The following CYP7B1 variants were observed in gnomAD, a reference collection of about 807,000 sequenced individuals.
The protein encoded by CYP7B1 is cytochrome P450 7B1.
In CYP7B1, 29 loss-of-function variants were observed where a neutral mutation model predicts 42.7. The observed-to-expected ratio is 0.68, with a 90% CI of 0.51 to 0.93. The LOEUF is 0.93. Ranked by LOEUF, CYP7B1 falls within the 40% of genes least tolerant of loss-of-function variation. The pLI is 0.00. For synonymous variants in CYP7B1, 235 were observed against 218.2 expected (o/e 1.08, Z -0.68); for missense variants, 655 against 600.5 (o/e 1.09, Z -0.95).
chr8:64,610,413 A>G (rs995830229), intron 4 of CYP7B1, among the ~76,000 whole-genome samples: 10 of 152,302 alleles, frequency 6.6e-5, no homozygotes, highest in Non-Finnish European at 1.0e-4. Flanking sequence ...TCATTAGAAG[A>G]GAGGATGTTG....
chr8:64,786,039 G>C (rs1274363218), intron 1 of CYP7B1, among the ~76,000 whole-genome samples: 3 of 152,068 alleles, frequency 2.0e-5, no homozygotes, highest in Non-Finnish European at 4.4e-5. Context: ...CATTATGAGG[G>C]AAATAACCCC....
At chr8:64,666,517 A>C (rs1024223098) in intron 1 of CYP7B1, among the ~76,000 whole-genome samples, 3 of 151,328 alleles carry the variant, frequency 2.0e-5, no homozygotes, top group African/African-American at 7.2e-5. Flanking sequence ...GTTGGATCCT[A>C]AGGATGAGTA....
intron 1 of CYP7B1, among the ~76,000 whole-genome samples, chr8:64,643,607 C>T (rs944991949): frequency 6.6e-6 from 1 of 152,090 alleles, no homozygotes; most frequent in Non-Finnish European, 1.5e-5. Context: ...ATTGACTCTT[C>T]CTTTCATGAA....
intron 2 of CYP7B1, among the ~76,000 whole-genome samples, chr8:64,616,857 T>C (rs975399861): frequency 2.0e-5 from 3 of 152,222 alleles, no homozygotes; most frequent in African/African-American, 7.2e-5. Context: ...ATGTGGGAGA[T>C]TTAATAACAT....
At chr8:64,728,078 C>G (rs1421038418) in intron 1 of CYP7B1, 1 of 152,180 alleles carries the variant, frequency 6.6e-6, no homozygotes, top group Non-Finnish European at 1.5e-5. Flanking sequence ...ACACATTCTT[C>G]TGTTAATGAG....
At chr8:64,673,305 T>C (rs577534127) in intron 1 of CYP7B1, among the ~76,000 whole-genome samples, 70 of 152,298 alleles carry the variant, frequency 4.6e-4, no homozygotes, top group African/African-American at 1.7e-3. Flanking sequence ...TGTTCAGGAA[T>C]TGGAATGCTT....
At chr8:64,674,786 T>C (rs565986714) in intron 1 of CYP7B1, among the ~76,000 whole-genome samples, 1 of 152,294 alleles carries the variant, frequency 6.6e-6, no homozygotes, top group Non-Finnish European at 1.5e-5. Flanking sequence ...ACAATACCTT[T>C]GTTTTGGATC....
chr8:64,620,418 G>A (rs571290670), intron 2 of CYP7B1, among the ~76,000 whole-genome samples: 1 of 152,116 alleles, frequency 6.6e-6, no homozygotes, highest in Non-Finnish European at 1.5e-5. Context: ...GTGGTGCTTT[G>A]CTGGGGTGAC....
chr8:64,645,681 G>T (rs990179875), intron 1 of CYP7B1, among the ~76,000 whole-genome samples: 1 of 152,042 alleles, frequency 6.6e-6, no homozygotes, highest in Non-Finnish European at 1.5e-5. Flanking sequence ...TTTCTTCACA[G>T]AATTGCAAAA....
chr8:64,756,830 A>G (rs1192882176), intron 1 of CYP7B1, among the ~76,000 whole-genome samples: 1 of 152,208 alleles, frequency 6.6e-6, no homozygotes, highest in Non-Finnish European at 1.5e-5. Flanking sequence ...TGATCGCCAG[A>G]GAAAATGTGA....
rs777493347 is a variant in CYP7B1, at chr8:64,798,622, G to A, written c.-35C>T. 66 of 1,448,296 alleles carry A rather than the reference G, an allele frequency of 4.6e-5. No homozygotes were observed. Among genetic ancestry groups the A allele is most frequent in the Non-Finnish European group, 5.3e-5 (59 of 1,110,274 alleles). 89.7% of individuals were successfully genotyped at this position (1,448,296 alleles called of 1,614,324 possible). Reference sequence around the variant, plus strand: ...GCTAGGCCGCGGTGGGCAGCCCGGGGTCTGCCTGCGAACAGCGCGGTCGGC... The same window carrying A: ...GCTAGGCCGCGGTGGGCAGCCCGGGATCTGCCTGCGAACAGCGCGGTCGGC... On this transcript the variant is annotated 5_prime_UTR_variant, in exon 1 of 6. Transcript: ENST00000310193.
At chr8:64,627,520 A>G (rs1204547518) in intron 1 of CYP7B1, among the ~76,000 whole-genome samples, 1 of 152,216 alleles carries the variant, frequency 6.6e-6, no homozygotes, top group Non-Finnish European at 1.5e-5. Context: ...AAGATTTAGA[A>G]AAGCTTTTTG....
chr8:64,753,422 T>C (rs890711860), intron 1 of CYP7B1, among the ~76,000 whole-genome samples: 1 of 152,262 alleles, frequency 6.6e-6, no homozygotes. Context: ...TAAGCAAGTA[T>C]ATGTAGACGT....
chr8:64,714,611 CTGTCAGTGACT>C (rs2129632733), intron 1 of CYP7B1, among the ~76,000 whole-genome samples: 1 of 152,324 alleles, frequency 6.6e-6, no homozygotes, highest in African/African-American at 2.4e-5. Flanking sequence ...CCCCTGCAAA[CTGTCAGTGACT>C]TGTCAGAATT....
At chr8:64,675,206 T>C (rs980730021) in intron 1 of CYP7B1, among the ~76,000 whole-genome samples, 2 of 152,130 alleles carry the variant, frequency 1.3e-5, no homozygotes, top group Admixed American at 1.3e-4. Flanking sequence ...TCACTTTGAA[T>C]GTAATTCATT....
intron 1 of CYP7B1, among the ~76,000 whole-genome samples, chr8:64,727,627 G>C (rs1807343193): frequency 6.6e-6 from 1 of 152,190 alleles, no homozygotes; most frequent in African/African-American, 2.4e-5. Flanking sequence ...AGTTGACCAA[G>C]TAGAAATCTT....
Position 64,759,215 on chromosome 8 carries a change from G to T in CYP7B1, c.122+39251C>A, listed in dbSNP as rs1044402872. 4.6e-5 allele frequency among the ~76,000 whole-genome samples: 7 copies of T among 152,274 alleles called. No homozygotes were observed. In the South Asian group the frequency reaches 1.5e-3, roughly 32 times the overall value. On this transcript the variant is annotated intron_variant, in intron 1 of 5. Transcript: ENST00000310193. The stretch of plus-strand genomic sequence containing the variant: ...TGTGGCAAACTAGTGATTACATCAG[G>T]GTAGAAACATTACGGCTGATGGCAG...
chr8:64,599,440 G>A (rs1166421851), intron 5 of CYP7B1, among the ~76,000 whole-genome samples: 16 of 152,058 alleles, frequency 1.1e-4, no homozygotes, highest in Admixed American at 2.6e-4. Flanking sequence ...CGCCGGCCTC[G>A]GCCTCCCAAA....
chr8:64,700,162 C>T (rs1403305539), intron 1 of CYP7B1, among the ~76,000 whole-genome samples: 1 of 152,096 alleles, frequency 6.6e-6, no homozygotes, highest in African/African-American at 2.4e-5. Context: ...CAGAGTCACA[C>T]ACACTTAAAA....
Sources: gnomAD v4.1 joint callset for allele counts (sites outside exome capture counted in the v4.1 genomes callset) on GRCh38, gnomAD v4.1.1 for gene constraint, MANE v1.5 for transcripts, NCBI Gene and HGNC (gene_info 2026-07-23, HGNC 2026-07-21) for gene names.